Variants in STXBP4 observed in about 807,000 individuals in gnomAD.
STXBP4 encodes the protein syntaxin binding protein 4.
Under a neutral mutation model 76.1 loss-of-function variants are expected in STXBP4, and 55 were observed. The observed-to-expected ratio is 0.72, with a 90% CI of 0.58 to 0.91. The LOEUF (loss-of-function observed/expected upper bound fraction) is 0.91, where lower values mean the gene tolerates loss of function less well. STXBP4 is among the 40% of genes least tolerant of loss of function. The pLI is 0.00. For synonymous variants in STXBP4, 201 were observed against 220.2 expected (o/e 0.91, Z 0.77); for missense variants, 618 against 636.9 (o/e 0.97, Z 0.32).
At chr17:55,140,588 G>A (rs892523867) in intron 16 of STXBP4, among the ~76,000 whole-genome samples, 3 of 152,004 alleles carry the variant, frequency 2.0e-5, no homozygotes, top group Non-Finnish European at 4.4e-5. Context: ...CTCAACTTGG[G>A]GCTGTTCTCT....
At chr17:55,119,623 T>C (rs992216133) in intron 16 of STXBP4, among the ~76,000 whole-genome samples, 4 of 151,964 alleles carry the variant, frequency 2.6e-5, no homozygotes, top group African/African-American at 9.7e-5. Context: ...TAAAAAAGAT[T>C]GGAAAATGAA....
Position 55,073,154 on chromosome 17 carries a change from A to G in STXBP4, c.1188+78A>G, listed in dbSNP as rs913104315. The stretch of plus-strand genomic sequence containing the variant: ...TGTATCCTGTTTTCATTTTCTTTTC[A>G]TCTGCACTTCTAAACTAGGTCAGTG... On this transcript the variant is annotated intron_variant, in intron 13 of 17. Transcript: ENST00000376352. 3.7e-6 allele frequency: 5 copies of G among 1,345,576 alleles called. No homozygotes were observed. The Middle Eastern group carries it at 5.7e-4, about 152-fold the overall frequency. The allele number at this position is 1,345,576 out of a possible 1,614,324, so 83.4% of individuals were successfully genotyped here.
intron 12 of STXBP4, among the ~76,000 whole-genome samples, chr17:55,067,585 C>A (rs2079069564): frequency 6.6e-6 from 1 of 152,040 alleles, no homozygotes; most frequent in South Asian, 2.1e-4. Flanking sequence ...TAGTAGAGAA[C>A]TTTGAAGAAT....
At chr17:55,106,504 T>C (rs2079636805) in intron 16 of STXBP4, among the ~76,000 whole-genome samples, 1 of 152,246 alleles carries the variant, frequency 6.6e-6, no homozygotes. Flanking sequence ...CTTGTCATTA[T>C]GATGCTAGCT....
chr17:55,031,492 T>G (rs2078508996), intron 9 of STXBP4, among the ~76,000 whole-genome samples: 1 of 152,218 alleles, frequency 6.6e-6, no homozygotes, highest in African/African-American at 2.4e-5. Flanking sequence ...TAAAATATCA[T>G]CATTCTGTCA....
chr17:55,108,948 A>C (rs2079673635), intron 16 of STXBP4, among the ~76,000 whole-genome samples: 1 of 152,198 alleles, frequency 6.6e-6, no homozygotes, highest in South Asian at 2.1e-4. Context: ...AAATGCCCCC[A>C]AAATTTGGCT....
downstream of STXBP4, among the ~76,000 whole-genome samples, chr17:55,176,074 G>GTAA (rs1304176152): frequency 6.6e-6 from 1 of 152,186 alleles, no homozygotes; most frequent in African/African-American, 2.4e-5. Context: ...GTATGGGTGA[G>GTAA]TAAACAAACC....
intron 12 of STXBP4, among the ~76,000 whole-genome samples, chr17:55,056,997 A>T (rs2078932362): frequency 1.3e-5 from 2 of 152,252 alleles, no homozygotes. Context: ...ATTAGCTTAT[A>T]GTAGAAAAAT....
rs974648638 is a variant in STXBP4, at chr17:55,161,674, T to G, written c.*1763T>G. On this transcript the variant is annotated 3_prime_UTR_variant, in exon 18 of 18. Transcript: ENST00000376352. ...TGCCGCCCTGTTTCTGTCAAATACCTAGTGAAAAAGGCCTAAACAATTGTA... is the reference window on the plus strand; with the variant it reads ...TGCCGCCCTGTTTCTGTCAAATACCGAGTGAAAAAGGCCTAAACAATTGTA... 5 of 152,170 alleles carry G rather than the reference T, an allele frequency of 3.3e-5. No homozygotes were observed. The highest frequency in any genetic ancestry group is 7.4e-5 in the Non-Finnish European group (5 of 68,024). 9.4% of individuals were successfully genotyped at this position (152,170 alleles called of 1,614,324 possible).
At chr17:55,005,316 G>T (rs917741480) in intron 7 of STXBP4, among the ~76,000 whole-genome samples, 1 of 152,136 alleles carries the variant, frequency 6.6e-6, no homozygotes, top group South Asian at 2.1e-4. Flanking sequence ...GATTAGACTC[G>T]TGACATTATA....
the STXBP4 span, among the ~76,000 whole-genome samples, chr17:55,184,976 A>G: frequency 6.6e-6 from 1 of 152,142 alleles, no homozygotes; most frequent in Non-Finnish European, 1.5e-5. Flanking sequence ...GGCCCGAGCC[A>G]TCCTGCCACC....
At chr17:55,067,012 A>G (rs531839622) in intron 12 of STXBP4, among the ~76,000 whole-genome samples, 55 of 152,338 alleles carry the variant, frequency 3.6e-4, no homozygotes, top group Admixed American at 3.0e-3. Context: ...CCTTTTTTGA[A>G]GAAATTTCCT....
At chr17:55,208,182 G>T in the STXBP4 span, among the ~76,000 whole-genome samples, 1 of 151,572 alleles carries the variant, frequency 6.6e-6, no homozygotes, top group African/African-American at 2.4e-5. Flanking sequence ...TCTAATCTGG[G>T]CTTGGCTTAA....
chr17:55,019,869 T>C lies in STXBP4; in HGVS notation c.667-11299T>C, dbSNP rs372368532. ...TTTTTCTGGTTTCTGTTGTTGCTGT[T>C]TTGAGAACTCAGCTGTCGCTCTGTC... On this transcript the variant is annotated intron_variant, in intron 8 of 17. Transcript: ENST00000376352. Among the ~76,000 whole-genome samples, 33 of 152,332 alleles carry C rather than the reference T, an allele frequency of 2.2e-4. No individual in the cohort carries two copies. In the East Asian group the frequency reaches 5.8e-3, roughly 27 times the overall value.
intron 13 of STXBP4, 144 bp from the exon 14 acceptor site, chr17:55,077,934 G>GC: frequency 2.0e-6 from 1 of 489,834 alleles, no homozygotes. Context: ...TTAGTTACAT[G>GC]CCCCCCAAAA....
chr17:55,043,004 G>T (rs1262385209), intron 10 of STXBP4, among the ~76,000 whole-genome samples: 1 of 152,022 alleles, frequency 6.6e-6, no homozygotes, highest in Non-Finnish European at 1.5e-5. Flanking sequence ...AATGATAAAG[G>T]TGACAACAAA....
chr17:54,990,445 T>A (rs568892440), intron 3 of STXBP4, among the ~76,000 whole-genome samples: 3 of 152,256 alleles, frequency 2.0e-5, no homozygotes, highest in Non-Finnish European at 4.4e-5. Flanking sequence ...CTTTTGAGAA[T>A]CTAGTGGCTG....
intron 12 of STXBP4, among the ~76,000 whole-genome samples, chr17:55,053,714 T>C (rs1361488049): frequency 6.6e-6 from 1 of 152,164 alleles, no homozygotes. Context: ...ATATGACTTT[T>C]TAGTGCTTTT....
chr17:54,978,124 C>T (rs923287509), intron 1 of STXBP4, among the ~76,000 whole-genome samples: 2 of 152,106 alleles, frequency 1.3e-5, no homozygotes, highest in Admixed American at 6.5e-5. Context: ...ATCGTTCCCT[C>T]AAAAAACATT....
Sources: allele counts gnomAD v4.1 joint callset (sites outside exome capture counted in the v4.1 genomes callset), GRCh38; gene constraint gnomAD v4.1.1; transcripts MANE v1.5; gene names NCBI Gene and HGNC (gene_info 2026-07-23, HGNC 2026-07-21).